The following EPM2A variants were observed in gnomAD, a reference collection of about 807,000 sequenced individuals.
The protein encoded by EPM2A is EPM2A glucan phosphatase, laforin, also known as laforin.
Under a neutral mutation model 26.5 loss-of-function variants are expected in EPM2A, and 21 were observed. The ratio of observed to expected loss-of-function variants is 0.79; its 90% CI spans 0.56 to 1.14. The LOEUF is 1.14. Among genes scored for constraint, EPM2A ranks in the 50% most tolerant of loss-of-function variants. The pLI is 0.00. For missense variants in EPM2A, 458 were observed against 440.8 expected (o/e 1.04, Z -0.35); for synonymous variants, 217 against 177.6 (o/e 1.22, Z -1.76).
intron 2 of EPM2A, among the ~76,000 whole-genome samples, chr6:145,645,650 G>T (rs572271827): frequency 3.3e-4 from 50 of 152,134 alleles, no homozygotes; most frequent in African/African-American, 1.0e-3. Flanking sequence ...ACCCAGGCTG[G>T]AATGCAGTGG....
chr6:145,393,354 TA>T (rs911470363), intron 4 of EPM2A, among the ~76,000 whole-genome samples: 4 of 151,602 alleles, frequency 2.6e-5, no homozygotes, highest in African/African-American at 4.8e-5. Flanking sequence ...GAGCCTGACA[TA>T]AAAAAATCAC....
At chr6:145,696,572 T>C (rs867408702) in intron 1 of EPM2A, among the ~76,000 whole-genome samples, 3 of 152,052 alleles carry the variant, frequency 2.0e-5, no homozygotes, top group Non-Finnish European at 4.4e-5. Context: ...ATATCAATAA[T>C]AGAAATAGGA....
At chr6:145,652,245 C>T (rs1298638404) in intron 2 of EPM2A, among the ~76,000 whole-genome samples, 1 of 152,130 alleles carries the variant, frequency 6.6e-6, no homozygotes, top group African/African-American at 2.4e-5. Context: ...AGACCTAACA[C>T]ATTAAATTTA....
intron 4 of EPM2A, among the ~76,000 whole-genome samples, chr6:145,494,043 G>T (rs1460420823): frequency 2.6e-5 from 4 of 152,192 alleles, no homozygotes; most frequent in Non-Finnish European, 5.9e-5. Flanking sequence ...GTTTAAAATA[G>T]CATCAGTAGG....
intron 4 of EPM2A, among the ~76,000 whole-genome samples, chr6:145,470,825 G>A (rs556421524): frequency 1.3e-5 from 2 of 152,236 alleles, no homozygotes; most frequent in Admixed American, 6.5e-5. Context: ...TAGCTACAGT[G>A]AATATCAGCT....
At chr6:145,728,837 C>T (rs1776338934) in intron 1 of EPM2A, among the ~76,000 whole-genome samples, 1 of 152,126 alleles carries the variant, frequency 6.6e-6, no homozygotes, top group African/African-American at 2.4e-5. Context: ...GTAGAAAAGG[C>T]CTGGAAGGCA....
chr6:145,439,711 T>C (rs1277704796), intron 4 of EPM2A, among the ~76,000 whole-genome samples: 1 of 152,200 alleles, frequency 6.6e-6, no homozygotes, highest in Non-Finnish European at 1.5e-5. Context: ...AGATTTTGGA[T>C]ATTAGATATA....
chr6:145,499,841 T>C (rs144084194), downstream of EPM2A, among the ~76,000 whole-genome samples: 1 of 152,358 alleles, frequency 6.6e-6, no homozygotes, highest in African/African-American at 2.4e-5. Flanking sequence ...AAAAATGAAT[T>C]AATTTAACCA....
chr6:145,583,941 G>A (rs897982859), intron 2 of EPM2A, among the ~76,000 whole-genome samples: 8 of 152,206 alleles, frequency 5.3e-5, no homozygotes, highest in Non-Finnish European at 1.0e-4. Flanking sequence ...GGGTGGTGGG[G>A]GGGTGAGGTT....
intron 4 of EPM2A, among the ~76,000 whole-genome samples, chr6:145,385,467 C>T (rs1233097494): frequency 6.6e-6 from 1 of 151,948 alleles, no homozygotes; most frequent in Non-Finnish European, 1.5e-5. Flanking sequence ...AATTAAACTC[C>T]CAGTTTTTTA....
intron 2 of EPM2A, among the ~76,000 whole-genome samples, chr6:145,585,017 G>T (rs1781169833): frequency 1.3e-5 from 2 of 152,110 alleles, no homozygotes; most frequent in Admixed American, 1.3e-4. Flanking sequence ...TTTCCTTTCA[G>T]TACACTAAAT....
intron 2 of EPM2A, among the ~76,000 whole-genome samples, chr6:145,520,916 G>A (rs899440456): frequency 1.4e-4 from 22 of 152,174 alleles, no homozygotes; most frequent in Admixed American, 1.0e-3. Flanking sequence ...AGAGGGAACA[G>A]CAAGTTCCCT....
At chr6:145,699,005 C>T (rs1431313592) in intron 1 of EPM2A, among the ~76,000 whole-genome samples, 1 of 152,218 alleles carries the variant, frequency 6.6e-6, no homozygotes, top group East Asian at 1.9e-4. Flanking sequence ...AGAAAATAAA[C>T]TTCTGTTGTT....
At chr6:145,596,743 T>C (rs961433871) in intron 2 of EPM2A, among the ~76,000 whole-genome samples, 6 of 152,156 alleles carry the variant, frequency 3.9e-5, no homozygotes, top group Admixed American at 6.5e-5. Context: ...GTTCTTGATA[T>C]ATCCACACCC....
intron 4 of EPM2A, among the ~76,000 whole-genome samples, chr6:145,476,749 C>T (rs962447145): frequency 1.3e-5 from 2 of 151,816 alleles, no homozygotes; most frequent in East Asian, 3.9e-4. Flanking sequence ...TGTCATGAAA[C>T]AAATGGTAAG....
chr6:145,386,151 C>G (rs965468931), intron 4 of EPM2A, among the ~76,000 whole-genome samples: 3 of 151,956 alleles, frequency 2.0e-5, no homozygotes, highest in Admixed American at 1.3e-4. Context: ...AAACTATATT[C>G]AGATACTACT....
intron 2 of EPM2A, among the ~76,000 whole-genome samples, chr6:145,563,902 T>C (rs960954358): frequency 6.6e-6 from 1 of 152,164 alleles, no homozygotes; most frequent in African/African-American, 2.4e-5. Flanking sequence ...TATGCAGTTC[T>C]CCCTTGGTAT....
chr6:145,418,707 G>T (rs894263635), intron 4 of EPM2A, among the ~76,000 whole-genome samples: 3 of 152,114 alleles, frequency 2.0e-5, no homozygotes, highest in Non-Finnish European at 4.4e-5. Flanking sequence ...GCCAAAGGAT[G>T]GGCTCATGAC....
intron 2 of EPM2A, among the ~76,000 whole-genome samples, chr6:145,575,044 A>G (rs1005783813): frequency 2.6e-5 from 4 of 152,168 alleles, no homozygotes. Flanking sequence ...GTCTAGAAGC[A>G]GACAGAGCTG....
Sources: gnomAD v4.1 joint callset for allele counts (sites outside exome capture counted in the v4.1 genomes callset) on GRCh38, gnomAD v4.1.1 for gene constraint, MANE v1.5 for transcripts, NCBI Gene and HGNC (gene_info 2026-07-23, HGNC 2026-07-21) for gene names.